The following CPA6 variants were observed in gnomAD, a reference collection of about 807,000 sequenced individuals.
CPA6 encodes the protein carboxypeptidase A6.
Under a neutral mutation model 63.3 loss-of-function variants are expected in CPA6, and 58 were observed. The observed-to-expected ratio is 0.92, with a 90% CI of 0.74 to 1.14. CPA6 has a LOEUF of 1.14. Ranked by LOEUF, CPA6 falls within the 50% of genes most tolerant of loss-of-function variation. The pLI is 0.00. For missense variants in CPA6, 565 were observed against 526.6 expected (o/e 1.07, Z -0.71); for synonymous variants, 185 against 179.0 (o/e 1.03, Z -0.27).
At chr8:67,428,502 T>C (rs1313126874) in intron 9 of CPA6, among the ~76,000 whole-genome samples, 1 of 152,136 alleles carries the variant, frequency 6.6e-6, no homozygotes, top group Non-Finnish European at 1.5e-5. Context: ...CTTTTTTTTT[T>C]GGAAGGAGTC....
intron 6 of CPA6, among the ~76,000 whole-genome samples, chr8:67,489,158 C>G (rs1214517754): frequency 6.6e-6 from 1 of 151,804 alleles, no homozygotes; most frequent in African/African-American, 2.4e-5. Context: ...GTTGCCCAGG[C>G]TGGTCTCAGA....
chr8:67,700,770 A>G (rs1817007404), intron 1 of CPA6, among the ~76,000 whole-genome samples: 1 of 152,142 alleles, frequency 6.6e-6, no homozygotes, highest in Non-Finnish European at 1.5e-5. Flanking sequence ...GTTGCATTTT[A>G]TATATTGTTA....
At position 67,637,303 on chromosome 8, in the gene CPA6, A is replaced by C. The variant is rs888778051; in HGVS notation, c.117-13052T>G. On this transcript the variant is annotated intron_variant, in intron 1 of 10. Coordinates refer to ENST00000297770, the MANE Select transcript of CPA6 (RefSeq NM_020361.5). The stretch of plus-strand genomic sequence containing the variant: ...AACCACATCATCTTTTAAATGCCTG[A>C]AATGGGCTTCCATTATATGCTTTGA... Among the ~76,000 whole-genome samples the C allele has an allele frequency of 1.5e-4, 22 of 151,696 alleles. 2 individuals carry two copies. The highest frequency in any genetic ancestry group is 5.4e-4 in the African/African-American group (22 of 40,958).
rs71515067 is a variant in CPA6 at position 67,527,333 on chromosome 8, T to A, written c.193-9286A>T. 6.8e-4 allele frequency among the ~76,000 whole-genome samples: 103 copies of A among 152,348 alleles called. No homozygotes were observed. In the Middle Eastern group the frequency reaches 0.01, roughly 15 times the overall value. The stretch of plus-strand genomic sequence containing the variant: ...GAATTACTTTAGATTTTGTTATGCA[T>A]TTCCTCTTTCAGATGTCGGCTTAAG... On this transcript the variant is annotated intron_variant, in intron 2 of 10. Coordinates refer to ENST00000297770, the MANE Select transcript of CPA6 (RefSeq NM_020361.5).
intron 1 of CPA6, among the ~76,000 whole-genome samples, chr8:67,624,946 A>G (rs747601893): frequency 6.6e-6 from 1 of 152,172 alleles, no homozygotes; most frequent in Non-Finnish European, 1.5e-5. Context: ...GAAGATGATT[A>G]TTACCAAGAA....
At chr8:67,516,793 C>T (rs781611756) in intron 3 of CPA6, among the ~76,000 whole-genome samples, 3 of 152,000 alleles carry the variant, frequency 2.0e-5, no homozygotes, top group Non-Finnish European at 4.4e-5. Context: ...TCCACTTGCT[C>T]TTTTCTTTTT....
intron 10 of CPA6, among the ~76,000 whole-genome samples, chr8:67,427,614 G>A (rs183200438): frequency 1.6e-4 from 25 of 152,262 alleles, no homozygotes; most frequent in Non-Finnish European, 2.9e-4. Context: ...ATAATTCAAT[G>A]GACGGTGCTA....
chr8:67,642,410 T>C (rs1342905628), intron 1 of CPA6, among the ~76,000 whole-genome samples: 1 of 152,140 alleles, frequency 6.6e-6, no homozygotes, highest in Admixed American at 6.5e-5. Context: ...ACTGTAAGGA[T>C]GTCAGTTACC....
chr8:67,473,198 A>G (rs1332246148), intron 8 of CPA6, among the ~76,000 whole-genome samples: 1 of 152,238 alleles, frequency 6.6e-6, no homozygotes, highest in Non-Finnish European at 1.5e-5. Flanking sequence ...GAAACAAAAG[A>G]TTTCCAGTTA....
intron 1 of CPA6, among the ~76,000 whole-genome samples, chr8:67,726,201 G>A (rs1563409980): frequency 6.6e-6 from 1 of 152,138 alleles, no homozygotes. Context: ...TGGTTAGGGA[G>A]ATAATGAAGT....
At chr8:67,614,178 C>T (rs1814881426) in intron 2 of CPA6, among the ~76,000 whole-genome samples, 1 of 152,220 alleles carries the variant, frequency 6.6e-6, no homozygotes, top group Non-Finnish European at 1.5e-5. Flanking sequence ...TTTGTAACTC[C>T]TAGACACTAC....
chr8:67,729,870 T>C (rs572280602), intron 1 of CPA6, among the ~76,000 whole-genome samples: 2 of 152,338 alleles, frequency 1.3e-5, no homozygotes, highest in East Asian at 3.9e-4. Flanking sequence ...GTAAAGAAAG[T>C]TACAGGGCTT....
intron 6 of CPA6, among the ~76,000 whole-genome samples, chr8:67,497,057 A>G (rs899910714): frequency 3.3e-5 from 5 of 152,148 alleles, no homozygotes; most frequent in African/African-American, 1.2e-4. Flanking sequence ...CATGTTTTCA[A>G]GATTCATGTA....
intron 8 of CPA6, among the ~76,000 whole-genome samples, chr8:67,457,762 C>T (rs928668264): frequency 1.3e-5 from 2 of 152,144 alleles, no homozygotes; most frequent in Non-Finnish European, 2.9e-5. Flanking sequence ...GCATGGTGTC[C>T]AAGCCCCTAC....
chr8:67,745,418 G>A (rs76304628), intron 1 of CPA6, among the ~76,000 whole-genome samples: 5,802 of 152,218 alleles, frequency 0.038, 260 homozygotes, highest in African/African-American at 0.1. Flanking sequence ...ACCTACGGAG[G>A]GGGGACAAAA....
At chr8:67,610,475 C>T (rs1247008367) in intron 2 of CPA6, among the ~76,000 whole-genome samples, 1 of 152,174 alleles carries the variant, frequency 6.6e-6, no homozygotes, top group Non-Finnish European at 1.5e-5. Flanking sequence ...TATTCTATGA[C>T]TTTTTAATAT....
chr8:67,489,057 T>C (rs1197255977), intron 6 of CPA6, among the ~76,000 whole-genome samples: 1 of 152,190 alleles, frequency 6.6e-6, no homozygotes, highest in Non-Finnish European at 1.5e-5. Context: ...TTCTCTTGCA[T>C]GATTGCCCTG....
intron 2 of CPA6, among the ~76,000 whole-genome samples, chr8:67,621,107 A>AACACTG (rs1167633655): frequency 4.6e-5 from 7 of 152,180 alleles, no homozygotes; most frequent in Admixed American, 3.9e-4. Flanking sequence ...CCTGGTAGAC[A>AACACTG]ACACTGCATG....
chr8:67,536,179 G>A (rs1251785577), intron 2 of CPA6, among the ~76,000 whole-genome samples: 1 of 152,106 alleles, frequency 6.6e-6, no homozygotes, highest in Non-Finnish European at 1.5e-5. Context: ...GGTTGTGTGG[G>A]CTCTTTTTTG....
Sources: allele counts gnomAD v4.1 joint callset (sites outside exome capture counted in the v4.1 genomes callset), GRCh38; gene constraint gnomAD v4.1.1; transcripts MANE v1.5; gene names NCBI Gene and HGNC (gene_info 2026-07-23, HGNC 2026-07-21).